The following ANKFN1 variants were observed in gnomAD, a reference collection of about 807,000 sequenced individuals.
The protein encoded by ANKFN1 is ankyrin repeat and fibronectin type III domain containing 1, also known as ankyrin repeat and fibronectin type-III domain-containing protein 1.
In ANKFN1, 74 loss-of-function variants were observed where a neutral mutation model predicts 108.7. That is an observed-to-expected ratio of 0.68 (90% CI 0.56 to 0.83). The LOEUF is 0.83. Ranked by LOEUF, ANKFN1 falls within the 40% of genes least tolerant of loss-of-function variation. ANKFN1 has a pLI of 0.00. For synonymous variants in ANKFN1, 547 were observed against 516.2 expected (o/e 1.06, Z -0.81); for missense variants, 1,505 against 1,382.3 (o/e 1.09, Z -1.41).
At chr17:56,189,172 T>G (rs1912601532) in intron 1 of ANKFN1, among the ~76,000 whole-genome samples, 1 of 109,116 alleles carries the variant, frequency 9.2e-6, no homozygotes, top group African/African-American at 5.1e-5. Context: ...TGCCCTGACT[T>G]TTTTTTTTTT....
At chr17:56,255,896 G>T (rs750402102) in intron 3 of ANKFN1, among the ~76,000 whole-genome samples, 1 of 152,168 alleles carries the variant, frequency 6.6e-6, no homozygotes, top group Non-Finnish European at 1.5e-5. Flanking sequence ...ATTTGGGGCT[G>T]GGTGCAGTGG....
intron 4 of ANKFN1, among the ~76,000 whole-genome samples, chr17:56,083,998 T>C (rs1905278442): frequency 6.6e-6 from 1 of 151,186 alleles, no homozygotes; most frequent in South Asian, 2.1e-4. Context: ...GTGGGAACAG[T>C]GGTGACCTAG....
Position 56,384,640 on chromosome 17 carries a change from A to G in ANKFN1, c.910+9926A>G, listed in dbSNP as rs376190790. On this transcript the variant is annotated intron_variant, in intron 8 of 20. Coordinates refer to ENST00000682825, the MANE Select transcript of ANKFN1 (RefSeq NM_001370326.1). ...AGCAAAGTCTCAGGATACAAAATCA[A>G]TGTACAAAAATCACAAGCATTCTTA... Among the ~76,000 whole-genome samples the G allele has an allele frequency of 6.9e-4, 105 of 152,340 alleles. 1 individual carries two copies. In the East Asian group the frequency reaches 0.019, roughly 27 times the overall value.
At chr17:56,393,525 C>G (rs986561157) in intron 8 of ANKFN1, among the ~76,000 whole-genome samples, 2 of 152,200 alleles carry the variant, frequency 1.3e-5, no homozygotes, top group Non-Finnish European at 2.9e-5. Context: ...CATTAACTGT[C>G]AGTGCACAGT....
intron 3 of ANKFN1, among the ~76,000 whole-genome samples, chr17:56,277,872 C>A (rs191114930): frequency 6.6e-6 from 1 of 152,090 alleles, no homozygotes; most frequent in Non-Finnish European, 1.5e-5. Context: ...TACAGTATTT[C>A]GAATAATGAG....
At chr17:56,497,469 C>T (rs2051235780) in intron 19 of ANKFN1, among the ~76,000 whole-genome samples, 1 of 152,140 alleles carries the variant, frequency 6.6e-6, no homozygotes, top group Non-Finnish European at 1.5e-5. Context: ...CTCTAGCTAG[C>T]TTTTCACTCA....
chr17:56,367,442 C>A (rs564993440), intron 6 of ANKFN1, among the ~76,000 whole-genome samples: 2 of 151,688 alleles, frequency 1.3e-5, no homozygotes, highest in South Asian at 4.1e-4. Flanking sequence ...AAATTCCTGC[C>A]CCATCCCCCA....
chr17:56,155,551 A>G (rs1909023001), intron 1 of ANKFN1, among the ~76,000 whole-genome samples: 1 of 152,184 alleles, frequency 6.6e-6, no homozygotes, highest in African/African-American at 2.4e-5. Context: ...AGGAGGTGAC[A>G]GTTAAGCTGA....
chr17:56,173,861 GAGTA>G (rs2143582832), intron 1 of ANKFN1, among the ~76,000 whole-genome samples: 1 of 152,292 alleles, frequency 6.6e-6, no homozygotes, highest in African/African-American at 2.4e-5. Context: ...GTGAATGAAT[GAGTA>G]AGTATCAGCT....
chr17:56,497,077 C>T (rs76585764), intron 19 of ANKFN1, among the ~76,000 whole-genome samples: 4,014 of 152,202 alleles, frequency 0.026, 70 homozygotes, highest in African/African-American at 0.052. Context: ...GTCGGGCACT[C>T]TAAAAGCTAT....
chr17:56,417,055 G>A (rs1458543867), intron 8 of ANKFN1, among the ~76,000 whole-genome samples: 2 of 152,016 alleles, frequency 1.3e-5, no homozygotes, highest in Non-Finnish European at 2.9e-5. Flanking sequence ...GTTACCAGAG[G>A]CTGGGAAGGG....
intron 8 of ANKFN1, among the ~76,000 whole-genome samples, chr17:56,397,034 A>T (rs1203089115): frequency 6.6e-6 from 1 of 152,002 alleles, no homozygotes; most frequent in Non-Finnish European, 1.5e-5. Context: ...AAAGAAAAGA[A>T]AAATAAAATT....
intron 4 of ANKFN1, among the ~76,000 whole-genome samples, chr17:56,120,968 G>A (rs768541607): frequency 1.3e-4 from 20 of 151,810 alleles, no homozygotes; most frequent in African/African-American, 2.2e-4. Flanking sequence ...TGAATTTATC[G>A]ATTTTTCCCA....
chr17:56,340,902 C>T (rs779999330), intron 4 of ANKFN1, among the ~76,000 whole-genome samples: 2 of 152,038 alleles, frequency 1.3e-5, no homozygotes, highest in Admixed American at 6.6e-5. Flanking sequence ...GGCAGTATGG[C>T]CATTTTCATG....
At chr17:56,479,766 T>C (rs1188419836) in intron 16 of ANKFN1, among the ~76,000 whole-genome samples, 1 of 152,202 alleles carries the variant, frequency 6.6e-6, no homozygotes, top group East Asian at 1.9e-4. Flanking sequence ...ACCTCCTCTC[T>C]TTCCATCCCC....
At chr17:56,186,684 G>T (rs1284074152) in intron 1 of ANKFN1, among the ~76,000 whole-genome samples, 1 of 152,206 alleles carries the variant, frequency 6.6e-6, no homozygotes, top group Non-Finnish European at 1.5e-5. Flanking sequence ...CAGTGCTAAG[G>T]ATCACATACA....
At chr17:56,081,119 CA>C (rs1905240599) in intron 4 of ANKFN1, among the ~76,000 whole-genome samples, 1 of 152,190 alleles carries the variant, frequency 6.6e-6, no homozygotes, top group South Asian at 2.1e-4. Context: ...TGCAGATCGG[CA>C]GCAACCTCAA....
At chr17:56,413,822 C>A (rs139562313) in intron 8 of ANKFN1, among the ~76,000 whole-genome samples, 1 of 151,934 alleles carries the variant, frequency 6.6e-6, no homozygotes. Flanking sequence ...CGGGTTCAAG[C>A]GATTCTCCTT....
intron 20 of ANKFN1, among the ~76,000 whole-genome samples, chr17:56,503,616 C>G (rs1467735947): frequency 6.7e-6 from 1 of 149,540 alleles, no homozygotes; most frequent in Non-Finnish European, 1.5e-5. Flanking sequence ...ATGCCCCCTG[C>G]CTTTAAGAAA....
Sources: gnomAD v4.1 joint callset for allele counts (sites outside exome capture counted in the v4.1 genomes callset) on GRCh38, gnomAD v4.1.1 for gene constraint, MANE v1.5 for transcripts, NCBI Gene and HGNC (gene_info 2026-07-23, HGNC 2026-07-21) for gene names.